CHIC1: variants seen among roughly 807,000 people sequenced by gnomAD.
CHIC1 encodes cysteine rich hydrophobic domain 1, also known as cysteine-rich hydrophobic domain-containing protein 1.
A neutral mutation model predicts 18.5 loss-of-function variants in CHIC1; 7 were observed. That is an observed-to-expected ratio of 0.38 (90% CI 0.22 to 0.71). The LOEUF (loss-of-function observed/expected upper bound fraction) is 0.71. Among genes scored for constraint, CHIC1 ranks in the 30% least tolerant of loss-of-function variants. CHIC1 has a pLI of 0.49. For synonymous variants in CHIC1, 77 were observed against 73.5 expected, an observed-to-expected ratio of 1.05 and a Z score of -0.25; for missense variants, 159 against 176.9, an observed-to-expected ratio of 0.90 and a Z score of 0.57.
chrX:73,680,184 C>G (rs911887498), intron 5 of CHIC1, among the ~76,000 whole-genome samples: 1 of 106,292 alleles, frequency 9.4e-6, no homozygotes, highest in Non-Finnish European at 1.9e-5. Context: ...GCTATACAAT[C>G]TTAGTCATAA....
At chrX:73,627,329 C>T (rs932128204) in intron 3 of CHIC1, among the ~76,000 whole-genome samples, 3 of 112,005 alleles carry the variant, frequency 2.7e-5, no homozygotes, top group Admixed American at 1.9e-4. Flanking sequence ...TATGTTCACT[C>T]AAGGCCCTGG....
intron 2 of CHIC1, among the ~76,000 whole-genome samples, chrX:73,577,804 T>C (rs1016453247): frequency 2.7e-5 from 3 of 110,614 alleles, no homozygotes; most frequent in Non-Finnish European, 1.9e-5. Context: ...ACTGTATCAC[T>C]CTATTAATTT....
intron 3 of CHIC1, among the ~76,000 whole-genome samples, chrX:73,632,785 T>C (rs11796033): frequency 2.0e-5 from 2 of 100,428 alleles, no homozygotes; most frequent in African/African-American, 3.7e-5. Flanking sequence ...TTTTTTTTTT[T>C]TGAGTCGGAG....
At chrX:73,578,282 T>C (rs2057509956) in intron 2 of CHIC1, among the ~76,000 whole-genome samples, 1 of 110,893 alleles carries the variant, frequency 9.0e-6, no homozygotes, top group Non-Finnish European at 1.9e-5. Flanking sequence ...GAACTTTCTG[T>C]GCCCAAAGGA....
chrX:73,666,502 C>G (rs2058005006), intron 3 of CHIC1, among the ~76,000 whole-genome samples: 1 of 111,886 alleles, frequency 8.9e-6, no homozygotes, highest in Non-Finnish European at 1.9e-5. Context: ...TTATTGGCAG[C>G]TGATTAGATT....
intron 3 of CHIC1, among the ~76,000 whole-genome samples, chrX:73,660,390 G>T (rs2057973826): frequency 8.9e-6 from 1 of 112,137 alleles, no homozygotes; most frequent in South Asian, 3.7e-4. Flanking sequence ...GAAAGGGGGT[G>T]TCTGCCCAGG....
chrX:73,578,750 G>A (rs1761316358), intron 2 of CHIC1: 1 of 110,436 alleles, frequency 9.1e-6, no homozygotes, highest in African/African-American at 3.3e-5. Flanking sequence ...TATTACCTTT[G>A]ATGGGAGAAG....
rs2058105496 is a variant in CHIC1 at position 73,683,046 on chromosome X, A to G, written c.*2041A>G. On this transcript the variant is annotated 3_prime_UTR_variant, in exon 6 of 6. Coordinates refer to ENST00000373502, the MANE Select transcript of CHIC1 (RefSeq NM_001039840.4). ...TATAACCTTAGAATTTGATCATATG[A>G]TGGTCATAGGAACTTTTTCTGCCAT... 3.6e-5 allele frequency: 4 copies of G among 111,179 alleles called. No homozygotes were observed. In the South Asian group the frequency reaches 1.5e-3, roughly 41 times the overall value. The allele number at this position is 111,179 out of a possible 1,213,427, so 9.2% of individuals were successfully genotyped here. A position where few individuals can be genotyped will look rare whatever the true frequency, so the allele number is the denominator to read the frequency against.
At chrX:73,652,789 A>G (rs1268446436) in intron 3 of CHIC1, among the ~76,000 whole-genome samples, 1 of 112,148 alleles carries the variant, frequency 8.9e-6, no homozygotes, top group African/African-American at 3.2e-5. Context: ...GTGGAATGTA[A>G]ACTAGTTCAA....
chrX:73,644,612 C>T (rs967721159), intron 3 of CHIC1, among the ~76,000 whole-genome samples: 5 of 112,396 alleles, frequency 4.4e-5, no homozygotes, highest in Admixed American at 2.8e-4. Flanking sequence ...GCCTCACTGC[C>T]GCCTTGCATT....
intron 3 of CHIC1, among the ~76,000 whole-genome samples, chrX:73,607,309 A>C (rs1305086389): frequency 9.3e-6 from 1 of 107,867 alleles, no homozygotes; most frequent in Non-Finnish European, 1.9e-5. Context: ...CTCAAGCCTC[A>C]GTAATGGTGG....
At chrX:73,629,569 C>CA (rs769623048) in intron 3 of CHIC1, among the ~76,000 whole-genome samples, 5 of 111,816 alleles carry the variant, frequency 4.5e-5, no homozygotes, top group Non-Finnish European at 9.4e-5. Context: ...ATCCTTTTTC[C>CA]AATGTGTATG....
At chrX:73,640,563 T>C (rs917220152) in intron 3 of CHIC1, among the ~76,000 whole-genome samples, 2 of 111,839 alleles carry the variant, frequency 1.8e-5, no homozygotes, top group Non-Finnish European at 3.8e-5. Context: ...ATTCAGTTTC[T>C]TCCTTCTTCA....
chrX:73,591,979 G>GGAT (rs1388601917), intron 3 of CHIC1, among the ~76,000 whole-genome samples: 1 of 110,910 alleles, frequency 9.0e-6, no homozygotes, highest in Non-Finnish European at 1.9e-5. Flanking sequence ...TGACTATTAT[G>GGAT]GATCTTTTAC....
intron 5 of CHIC1, 92 bp from the exon 6 acceptor site, chrX:73,680,863 C>A: frequency 2.2e-6 from 1 of 463,536 alleles, no homozygotes; most frequent in Non-Finnish European, 3.6e-6. Flanking sequence ...AAATATTGTC[C>A]TATGAAAAAT....
intron 3 of CHIC1, among the ~76,000 whole-genome samples, chrX:73,591,109 T>C (rs773483650): frequency 6.3e-5 from 7 of 111,784 alleles, no homozygotes; most frequent in Admixed American, 9.5e-5. Flanking sequence ...GTGTTGTCAG[T>C]ATTGTGGATT....
intron 3 of CHIC1, among the ~76,000 whole-genome samples, chrX:73,591,954 C>T (rs781380715): frequency 3.1e-4 from 35 of 111,483 alleles, no homozygotes; most frequent in African/African-American, 1.1e-3. Context: ...TCTTTGTTCT[C>T]CTTAAATACT....
Position 73,684,384 on chromosome X carries a change from A to C in CHIC1, c.*3379A>C, listed in dbSNP as rs1224474745. On this transcript the variant is annotated 3_prime_UTR_variant, in exon 6 of 6. Transcript: ENST00000373502. ...CTGTTTTATCTACCATTTTTGATGA[A>C]ATTTGAATAAAGTTTAAAAACGTGT... 9.0e-6 allele frequency: 1 copy of C among 111,564 alleles called. No homozygotes were observed. The highest frequency in any genetic ancestry group is 1.9e-5 in the Non-Finnish European group (1 of 52,887). 9.2% of individuals were successfully genotyped at this position (111,564 alleles called of 1,213,427 possible). A position where few individuals can be genotyped will look rare whatever the true frequency, so the allele number is the denominator to read the frequency against.
At chrX:73,637,353 C>G (rs775689833) in intron 3 of CHIC1, among the ~76,000 whole-genome samples, 1 of 101,714 alleles carries the variant, frequency 9.8e-6, no homozygotes, top group African/African-American at 3.6e-5. Context: ...TGGTGTTGGT[C>G]TCTTTGGATT....
Sources: allele counts gnomAD v4.1 joint callset (sites outside exome capture counted in the v4.1 genomes callset), GRCh38; gene constraint gnomAD v4.1.1; transcripts MANE v1.5; gene names NCBI Gene and HGNC (gene_info 2026-07-23, HGNC 2026-07-21).